UBE2E2: variants seen among roughly 807,000 people sequenced by gnomAD.
UBE2E2 encodes ubiquitin conjugating enzyme E2 E2, also known as ubiquitin-conjugating enzyme E2 E2.
A neutral mutation model predicts 24.7 loss-of-function variants in UBE2E2; 6 were observed. The ratio of observed to expected loss-of-function variants is 0.24; its 90% CI spans 0.13 to 0.48. The LOEUF (loss-of-function observed/expected upper bound fraction) is 0.48. Ranked by LOEUF, UBE2E2 falls within the 20% of genes least tolerant of loss-of-function variation. The pLI is 0.99. For synonymous variants in UBE2E2, 104 were observed against 83.6 expected, an observed-to-expected ratio of 1.24 and a Z score of -1.33; for missense variants, 169 against 245.0, an observed-to-expected ratio of 0.69 and a Z score of 2.07.
At chr3:23,220,813 TACA>T (rs1696613422) in intron 3 of UBE2E2, among the ~76,000 whole-genome samples, 1 of 152,226 alleles carries the variant, frequency 6.6e-6, no homozygotes, top group Non-Finnish European at 1.5e-5. Flanking sequence ...TATAAATGAC[TACA>T]GGTTGTAACT....
At chr3:23,462,339 T>C (rs1430143754) in intron 3 of UBE2E2, among the ~76,000 whole-genome samples, 2 of 152,200 alleles carry the variant, frequency 1.3e-5, no homozygotes, top group African/African-American at 4.8e-5. Flanking sequence ...AGTTTTGAAA[T>C]GTTAATAATT....
intron 3 of UBE2E2, among the ~76,000 whole-genome samples, chr3:23,364,732 T>C (rs1271719892): frequency 1.3e-5 from 2 of 152,144 alleles, no homozygotes; most frequent in Non-Finnish European, 2.9e-5. Context: ...AAACTGCTCC[T>C]ACAAATTGAG....
intron 3 of UBE2E2, among the ~76,000 whole-genome samples, chr3:23,299,807 G>A (rs1406075438): frequency 6.6e-6 from 1 of 152,114 alleles, no homozygotes; most frequent in South Asian, 2.1e-4. Flanking sequence ...GGTCCACTTG[G>A]TGCAGAGCTG....
At chr3:23,350,094 G>A (rs559496512) in intron 3 of UBE2E2, among the ~76,000 whole-genome samples, 2 of 152,340 alleles carry the variant, frequency 1.3e-5, no homozygotes, top group African/African-American at 4.8e-5. Context: ...CCGCTGTTCT[G>A]CAGCCACCAC....
rs565043202 is a variant in UBE2E2 at position 23,446,725 on chromosome 3, G to A, written c.228-52883G>A. 8.1e-4 allele frequency among the ~76,000 whole-genome samples: 58 copies of A among 71,488 alleles called. 1 individual carries two copies. In the South Asian group the frequency reaches 0.01, roughly 12 times the overall value. The allele number at this position is 71,488 out of a possible 152,430, so 46.9% of individuals were successfully genotyped here. On this transcript the variant is annotated intron_variant, in intron 3 of 5. Transcript: ENST00000396703. ...TTTTTTTTTTTTTTTTTTTTTATCC[G>A]TAGGGTCATAAAAGGTATAGAAAGA...
chr3:23,490,991 A>G (rs1385270477), intron 3 of UBE2E2, among the ~76,000 whole-genome samples: 1 of 152,192 alleles, frequency 6.6e-6, no homozygotes, highest in Non-Finnish European at 1.5e-5. Context: ...TTCTTGGAAT[A>G]TTTCAGGAGA....
chr3:23,282,759 C>T (rs1449063335), intron 3 of UBE2E2, among the ~76,000 whole-genome samples: 2 of 151,756 alleles, frequency 1.3e-5, no homozygotes, highest in African/African-American at 4.8e-5. Context: ...AAACTTGGTT[C>T]AACTTTTTAT....
chr3:23,568,040 T>C (rs1178870060), intron 5 of UBE2E2, among the ~76,000 whole-genome samples: 1 of 152,162 alleles, frequency 6.6e-6, no homozygotes, highest in East Asian at 1.9e-4. Flanking sequence ...CAGTGGACAG[T>C]CACTCCTCAG....
Position 23,440,921 on chromosome 3 carries a change from T to C in UBE2E2, c.228-58687T>C, listed in dbSNP as rs920449538. On this transcript the variant is annotated intron_variant, in intron 3 of 5. Transcript: ENST00000396703. Reference sequence around the variant, plus strand: ...ATTTAAATCCTAAGAGACTCGCTTATTGTGAGTAGGCAGGGTCAGTAGTCT... The same window carrying C: ...ATTTAAATCCTAAGAGACTCGCTTACTGTGAGTAGGCAGGGTCAGTAGTCT... 2.0e-5 allele frequency among the ~76,000 whole-genome samples: 3 copies of C among 152,218 alleles called. No individual in the cohort carries two copies. In the South Asian group the frequency reaches 6.2e-4, roughly 32 times the overall value.
chr3:23,546,940 T>G (rs1316453667), intron 5 of UBE2E2, among the ~76,000 whole-genome samples: 1 of 152,188 alleles, frequency 6.6e-6, no homozygotes, highest in Non-Finnish European at 1.5e-5. Context: ...ATATGCCAGT[T>G]ATACATGCTT....
chr3:23,247,512 G>A (rs556741109), intron 3 of UBE2E2, among the ~76,000 whole-genome samples: 1 of 152,214 alleles, frequency 6.6e-6, no homozygotes, highest in South Asian at 2.1e-4. Flanking sequence ...CCGCCACCAA[G>A]CCTGGCTAAT....
chr3:23,213,289 T>A (rs558613804), intron 2 of UBE2E2, among the ~76,000 whole-genome samples: 1 of 152,140 alleles, frequency 6.6e-6, no homozygotes, highest in African/African-American at 2.4e-5. Flanking sequence ...TTCTGAACCC[T>A]TAGCCCAATA....
intron 3 of UBE2E2, among the ~76,000 whole-genome samples, chr3:23,349,566 G>C (rs561579062): frequency 2.6e-5 from 4 of 152,178 alleles, no homozygotes; most frequent in African/African-American, 9.7e-5. Flanking sequence ...AAAAAACGGC[G>C]CACCAGGAGA....
rs146675310 is a variant in UBE2E2, at chr3:23,423,895, T to C, written c.228-75713T>C. Among the ~76,000 whole-genome samples the C allele has an allele frequency of 7.8e-3, 1,182 of 152,278 alleles. 5 individuals carry two copies. Among genetic ancestry groups the C allele is most frequent in the Non-Finnish European group, 0.013 (870 of 68,010 alleles). On this transcript the variant is annotated intron_variant, in intron 3 of 5. Coordinates refer to ENST00000396703, the MANE Select transcript of UBE2E2 (RefSeq NM_152653.4). ...TAGCAGTGGAGTACTGAAAACTGTA[T>C]CTCTGCCTCTCCTCCTTCACACCCT...
At chr3:23,391,829 C>G (rs1696942477) in intron 3 of UBE2E2, among the ~76,000 whole-genome samples, 1 of 151,982 alleles carries the variant, frequency 6.6e-6, no homozygotes, top group Non-Finnish European at 1.5e-5. Flanking sequence ...ATGTGTATAT[C>G]ATGTCTTAAA....
intron 3 of UBE2E2, among the ~76,000 whole-genome samples, chr3:23,272,670 CAGAGAGAG>C (rs537050062): frequency 6.7e-6 from 1 of 149,784 alleles, no homozygotes; most frequent in African/African-American, 2.4e-5. Context: ...ATCTATATCT[CAGAGAGAG>C]AGAGAGAGAG....
chr3:23,505,857 C>T (rs1453131407), intron 4 of UBE2E2, among the ~76,000 whole-genome samples: 1 of 152,266 alleles, frequency 6.6e-6, no homozygotes, highest in East Asian at 1.9e-4. Context: ...TTATTTTTCT[C>T]ATTAGATTTT....
chr3:23,286,778 A>G (rs1054631936), intron 3 of UBE2E2, among the ~76,000 whole-genome samples: 7 of 152,108 alleles, frequency 4.6e-5, no homozygotes, highest in Non-Finnish European at 8.8e-5. Flanking sequence ...CTTCCAATCA[A>G]TACTGTTTTT....
At chr3:23,381,413 A>G (rs942810354) in intron 3 of UBE2E2, among the ~76,000 whole-genome samples, 23 of 44,860 alleles carry the variant, frequency 5.1e-4, no homozygotes, top group African/African-American at 2.5e-3. Context: ...ATCATATGGC[A>G]TTAGTTTATG....
Sources: allele counts gnomAD v4.1 joint callset (sites outside exome capture counted in the v4.1 genomes callset), GRCh38; gene constraint gnomAD v4.1.1; transcripts MANE v1.5; gene names NCBI Gene and HGNC (gene_info 2026-07-23, HGNC 2026-07-21).